Variants in SRGAP1 observed in about 807,000 individuals in gnomAD.
SRGAP1 encodes SLIT-ROBO Rho GTPase-activating protein 1.
In SRGAP1, 43 loss-of-function variants were observed where a neutral mutation model predicts 121.9. That is an observed-to-expected ratio of 0.35 (90% CI 0.28 to 0.46). The LOEUF is 0.46. Among genes scored for constraint, SRGAP1 ranks in the 20% least tolerant of loss-of-function variants. SRGAP1 has a pLI of 1.00. For synonymous variants in SRGAP1, 447 were observed against 485.4 expected (o/e 0.92, Z 1.04); for missense variants, 1,102 against 1,350.9 (o/e 0.82, Z 2.89).
intron 21 of SRGAP1, among the ~76,000 whole-genome samples, chr12:64,136,569 C>T (rs1048997374): frequency 5.3e-5 from 8 of 152,014 alleles, no homozygotes; most frequent in African/African-American, 1.9e-4. Flanking sequence ...CCAAGGAATC[C>T]GGCCCCAATA....
intron 21 of SRGAP1, among the ~76,000 whole-genome samples, chr12:64,140,076 G>A (rs1324635549): frequency 6.7e-6 from 1 of 148,884 alleles, no homozygotes; most frequent in Non-Finnish European, 1.5e-5. Context: ...ATTTCTGAGG[G>A]CTCTGTTCTG....
chr12:63,861,687 T>G (rs1899458251), intron 1 of SRGAP1, among the ~76,000 whole-genome samples: 1 of 152,192 alleles, frequency 6.6e-6, no homozygotes, highest in Non-Finnish European at 1.5e-5. Context: ...ACTCATGACC[T>G]GTTTAAAAAT....
chr12:64,063,100 C>T lies in SRGAP1; in HGVS notation c.985C>T (p.Pro329Ser), dbSNP rs775257660. 6 of 1,613,648 alleles carry T rather than the reference C, an allele frequency of 3.7e-6. No individual in the cohort carries two copies. In the Admixed American group the frequency reaches 1.0e-4, roughly 27 times the overall value. ...MEMYPAAFCP[P>S]MKFEFQSHMG... ...GATGTACCCTGCTGCGTTCTGTCCA[C>T]CAATGAAGTTTGAGTTTCAGTCTCA... The change falls in exon 7 of 22, where the codon CCA becomes TCA. Residue 329 changes from proline to serine, a missense_variant. Around this residue, in one of 3 missense-constraint regions of SRGAP1, gnomAD observed 747 missense variants for 929.4 expected, o/e 0.80. Transcript: ENST00000355086.
At chr12:63,980,831 A>C (rs2033226974) in intron 1 of SRGAP1, among the ~76,000 whole-genome samples, 1 of 151,914 alleles carries the variant, frequency 6.6e-6, no homozygotes, top group Non-Finnish European at 1.5e-5. Flanking sequence ...TGACCTCAAG[A>C]GATCCACCCA....
At position 64,127,944 on chromosome 12, in the gene SRGAP1, A is replaced by G. The variant is rs61754221; in HGVS notation, c.2624A>G (p.His875Arg). The change falls in exon 21 of 22, where the codon CAT (histidine) becomes CGT (arginine). Residue 875 changes from histidine to arginine, a missense_variant. Transcript: ENST00000355086. ...SDGHCPLHPP[H>R]ALSNSSVDLG... ...GGCCATTGCCCGCTCCACCCTCCAC[A>G]TGCCCTTTCTAACTCCTCAGTTGAC... 9.1e-3 allele frequency: 14,759 copies of G among 1,614,146 alleles called. 91 individuals are homozygous for G. The highest frequency in any genetic ancestry group is 0.01 in the Non-Finnish European group (12,265 of 1,180,004).
intron 1 of SRGAP1, among the ~76,000 whole-genome samples, chr12:63,878,390 A>G (rs1565932116): frequency 1.3e-5 from 2 of 152,228 alleles, no homozygotes; most frequent in Non-Finnish European, 1.5e-5. Context: ...AAAATAGATC[A>G]TAGTTTTCTA....
chr12:64,022,701 C>G (rs1198639586), intron 4 of SRGAP1, among the ~76,000 whole-genome samples: 1 of 152,144 alleles, frequency 6.6e-6, no homozygotes, highest in Non-Finnish European at 1.5e-5. Context: ...CAACTCTGCA[C>G]CTCAGTTTTC....
chr12:64,146,403 TTAAAG>T lies in SRGAP1; in HGVS notation c.*3732_*3736del, dbSNP rs796669307. 3.9e-5 allele frequency: 6 copies of T among 152,200 alleles called. No individual in the cohort carries two copies. Among genetic ancestry groups the T allele is most frequent in the African/African-American group, 1.4e-4 (6 of 41,508 alleles). The allele number at this position is 152,200 out of a possible 1,614,324, so 9.4% of individuals were successfully genotyped here. ...ACCAAAAAAAGGGGGGGTTTATAAT[TTAAAG>T]AAAAGGAAAAGAGGCGTGGGTTGGT... On this transcript the variant is annotated 3_prime_UTR_variant, in exon 22 of 22. Transcript: ENST00000355086.
rs148131531 is a variant in SRGAP1, at chr12:63,889,334, C to G, written c.67+44451C>G. On this transcript the variant is annotated intron_variant, in intron 1 of 21. Transcript: ENST00000355086. ...ACAGCATACCAAGCCTACCAGAGAGCTTTCACCTCCTTTCAGAATTCTGTG... is the reference window on the plus strand; with the variant it reads ...ACAGCATACCAAGCCTACCAGAGAGGTTTCACCTCCTTTCAGAATTCTGTG... 3.3e-3 allele frequency among the ~76,000 whole-genome samples: 495 copies of G among 152,304 alleles called. 3 individuals are homozygous for G. Among genetic ancestry groups the G allele is most frequent in the African/African-American group, 0.011 (476 of 41,570 alleles).
chr12:63,907,871 A>T (rs1000316595), intron 1 of SRGAP1, among the ~76,000 whole-genome samples: 2 of 152,124 alleles, frequency 1.3e-5, no homozygotes, highest in African/African-American at 4.8e-5. Context: ...TTTTGTGTTG[A>T]TTTTTGTGTA....
At chr12:63,967,723 G>A (rs1272914466) in intron 1 of SRGAP1, among the ~76,000 whole-genome samples, 1 of 152,166 alleles carries the variant, frequency 6.6e-6, no homozygotes, top group Non-Finnish European at 1.5e-5. Context: ...TCTAGCATAT[G>A]CCCAAAGGGA....
At position 64,026,607 on chromosome 12, in the gene SRGAP1, C is replaced by G. The variant is rs1020203413; in HGVS notation, c.489+9595C>G. On this transcript the variant is annotated intron_variant, in intron 4 of 21. Transcript: ENST00000355086. ...AAGAACCAGGCGCAGTGGCTCATGCCTGTAATCCCAGCACTTTTGGAGGCC... is the reference window on the plus strand; with the variant it reads ...AAGAACCAGGCGCAGTGGCTCATGCGTGTAATCCCAGCACTTTTGGAGGCC... Among the ~76,000 whole-genome samples, 25 of 152,248 alleles carry G rather than the reference C, an allele frequency of 1.6e-4. 1 individual carries two copies. The South Asian group carries it at 1.9e-3, about 11-fold the overall frequency.
In SRGAP1 at chr12:64,072,154, C is replaced by CGGG. The variant is rs11397582; in HGVS notation, c.1126-6758_1126-6756dup. Among the ~76,000 whole-genome samples the CGGG allele has an allele frequency of 1.6e-3, 142 of 88,268 alleles. 2 individuals carry two copies. The highest frequency in any genetic ancestry group is 4.7e-3 in the African/African-American group (102 of 21,500). 57.9% of individuals were successfully genotyped at this position (88,268 alleles called of 152,430 possible). On this transcript the variant is annotated intron_variant, in intron 8 of 21. Transcript: ENST00000355086. ...TGTGTGTGTGTGTGTGTGTGGGCGG[C>CGGG]GGGGGGGGGCTCTTTCTGCTAATTT...
chr12:64,140,499 A>C (rs143865036), intron 21 of SRGAP1, among the ~76,000 whole-genome samples: 4,354 of 151,600 alleles, frequency 0.029, 99 homozygotes, highest in Non-Finnish European at 0.046. Context: ...ATTCTCTTTG[A>C]AGCAATTGTG....
chr12:63,906,058 C>T (rs538194718), intron 1 of SRGAP1, among the ~76,000 whole-genome samples: 2 of 152,286 alleles, frequency 1.3e-5, no homozygotes, highest in Non-Finnish European at 2.9e-5. Context: ...AATCCCACCC[C>T]AACCCTAGGC....
rs1037544847 is a variant in SRGAP1 at position 63,879,674 on chromosome 12, G to A, written c.67+34791G>A. The stretch of plus-strand genomic sequence containing the variant: ...AGTTGGGGGGAAGCAAGTTCATGGC[G>A]ATTTATTTAAAATATTCATATTAAT... On this transcript the variant is annotated intron_variant, in intron 1 of 21. Coordinates refer to ENST00000355086, the MANE Select transcript of SRGAP1 (RefSeq NM_020762.4). Among the ~76,000 whole-genome samples, 8 of 152,208 alleles carry A rather than the reference G, an allele frequency of 5.3e-5. No individual in the cohort carries two copies. In the South Asian group the frequency reaches 6.2e-4, roughly 12 times the overall value.
intron 4 of SRGAP1, chr12:64,032,544 C>A: frequency 8.8e-7 from 1 of 1,136,840 alleles, no homozygotes; most frequent in East Asian, 2.5e-5. Flanking sequence ...TGACCCAAGG[C>A]AGTGCCTTGA....
chr12:64,063,328 C>T (rs1465249949), intron 7 of SRGAP1, among the ~76,000 whole-genome samples, 190 bp downstream of exon 7: 1 of 152,152 alleles, frequency 6.6e-6, no homozygotes, highest in Non-Finnish European at 1.5e-5. Context: ...CAAATACCCA[C>T]AGAGGCCAAA....
intron 8 of SRGAP1, among the ~76,000 whole-genome samples, chr12:64,071,396 C>T (rs917478489): frequency 3.9e-5 from 6 of 152,200 alleles, no homozygotes; most frequent in African/African-American, 1.4e-4. Flanking sequence ...ATAACTTCAG[C>T]GTCCACTGTT....
Sources: allele counts gnomAD v4.1 joint callset (sites outside exome capture counted in the v4.1 genomes callset), GRCh38; gene constraint gnomAD v4.1.1; regional missense constraint gnomAD v4.1.1; transcripts MANE v1.5; gene names NCBI Gene and HGNC (gene_info 2026-07-23, HGNC 2026-07-21).